DNAH12: variants seen among roughly 807,000 people sequenced by gnomAD.
DNAH12 encodes dynein axonemal heavy chain 12.
Under a neutral mutation model 371.5 loss-of-function variants are expected in DNAH12, and 285 were observed. The ratio of observed to expected loss-of-function variants is 0.77; its 90% confidence interval spans 0.70 to 0.85. The LOEUF (loss-of-function observed/expected upper bound fraction) is 0.85. Among genes scored for constraint, DNAH12 ranks in the 40% least tolerant of loss-of-function variants. The pLI, the probability that DNAH12 is intolerant of heterozygous loss-of-function variation, is 0.00. For missense variants in DNAH12, 3,611 were observed against 3,689.4 expected, an observed-to-expected ratio of 0.98 and a Z score of 0.55; for synonymous variants, 1,200 against 1,213.0, an observed-to-expected ratio of 0.99 and a Z score of 0.22.
At chr3:57,306,076 C>T (rs1027722046) in intron 69 of DNAH12, among the ~76,000 whole-genome samples, 1 of 152,186 alleles carries the variant, frequency 6.6e-6, no homozygotes, top group African/African-American at 2.4e-5. Context: ...CTGGCAGCCA[C>T]TCCCAGAGCC....
chr3:57,505,972 C>A (rs1235969706), intron 8 of DNAH12, among the ~76,000 whole-genome samples: 2 of 152,226 alleles, frequency 1.3e-5, no homozygotes, highest in East Asian at 3.9e-4. Flanking sequence ...TCTTGAACTC[C>A]TGGGCTCAAG....
At chr3:57,481,407 A>T (rs144782923) in intron 13 of DNAH12, among the ~76,000 whole-genome samples, 27,113 of 152,026 alleles carry the variant, frequency 0.18, 2,826 homozygotes, top group African/African-American at 0.29. Context: ...ACCACTGCTC[A>T]ACAAAATAAA....
Position 57,446,252 on chromosome 3 carries a change from A to C in DNAH12, c.3958T>G (p.Ser1320Ala), listed in dbSNP as rs764969254. Reference sequence around the variant, plus strand: ...TCAAAGCAAGCCCAAGCACCAGAAGAAGCCAGTCCTTTAAAAAACTAAGGA... The same window carrying C: ...TCAAAGCAAGCCCAAGCACCAGAAGCAGCCAGTCCTTTAAAAAACTAAGGA... ...AMGKFFKGLA[S>A]SGAWACFDEF... Residue 1320 changes from serine to alanine, a missense_variant, in exon 27 of 74, where the codon TCT becomes GCT. This residue lies in a region of DNAH12 where 2,266 missense variants were observed against 2,236.9 expected (regional missense o/e 1.01). Coordinates refer to ENST00000495027, the MANE Select transcript of DNAH12 (RefSeq NM_001366028.2). 16 of 1,551,374 alleles carry C rather than the reference A, an allele frequency of 1.0e-5. No homozygotes were observed. In the South Asian group the frequency reaches 1.3e-4, roughly 13 times the overall value.
the DNAH12 span, among the ~76,000 whole-genome samples, chr3:57,549,678 C>T: frequency 7.2e-5 from 11 of 152,048 alleles, no homozygotes; most frequent in South Asian, 1.2e-3. Context: ...GGCTGGAGTG[C>T]AATGGCGCAA....
intron 59 of DNAH12, among the ~76,000 whole-genome samples, chr3:57,353,723 T>C (rs1236191602): frequency 2.0e-5 from 3 of 151,970 alleles, no homozygotes; most frequent in Admixed American, 1.3e-4. Context: ...GCAAAGGACA[T>C]AGACACTTTT....
intron 60 of DNAH12, among the ~76,000 whole-genome samples, chr3:57,344,697 T>G (rs2062494502): frequency 6.6e-6 from 1 of 152,168 alleles, no homozygotes; most frequent in African/African-American, 2.4e-5. Context: ...GAACACAAAG[T>G]TAAACACCAC....
intron 35 of DNAH12, among the ~76,000 whole-genome samples, chr3:57,424,262 G>A (rs1473903514): frequency 6.6e-6 from 1 of 151,372 alleles, no homozygotes; most frequent in Non-Finnish European, 1.5e-5. Context: ...CTGAGGTCAG[G>A]AGTTCAAGAC....
intron 65 of DNAH12, among the ~76,000 whole-genome samples, chr3:57,318,732 A>G (rs1242712333): frequency 6.6e-6 from 1 of 151,910 alleles, no homozygotes; most frequent in East Asian, 1.9e-4. Flanking sequence ...CAAGCATTCC[A>G]GATAAGGAAT....
At chr3:57,403,620 T>C in intron 42 of DNAH12, 119 bp from the exon 43 acceptor site, 6 of 921,564 alleles carry the variant, frequency 6.5e-6, no homozygotes, top group Non-Finnish European at 9.1e-6. Context: ...TATGTTACTA[T>C]CCCAATTTTA....
At chr3:57,550,550 C>A in the DNAH12 span, among the ~76,000 whole-genome samples, 1 of 151,932 alleles carries the variant, frequency 6.6e-6, no homozygotes, top group Non-Finnish European at 1.5e-5. Flanking sequence ...TCTCACTCTG[C>A]CACCCAGGCT....
chr3:57,384,898 CT>C lies in DNAH12; in HGVS notation c.7790del (p.Glu2597GlyfsTer6), dbSNP rs1156733267. 1 of 152,194 alleles carries C rather than the reference CT, an allele frequency of 6.6e-6. No homozygotes were observed. Among genetic ancestry groups the C allele is most frequent in the Non-Finnish European group, 1.5e-5 (1 of 68,044 alleles). 9.4% of individuals were successfully genotyped at this position (152,194 alleles called of 1,614,324 possible). ...KAEEAQALKNECESDLAEAIP... is the reference protein window; with the variant it reads ...KAEEAQALKNXCESDLAEAIP... ...TCGCCTCAGCTAGGTCACTTTCACA[CT>C]CATTTTTCAGAGCTTGGGCTTCTTC... On this transcript the variant is annotated frameshift_variant, in exon 49 of 74. Coordinates refer to ENST00000495027, the MANE Select transcript of DNAH12 (RefSeq NM_001366028.2). LOFTEE classifies it high-confidence loss of function.
rs1453592706 is a variant in DNAH12, at chr3:57,419,459, T to C, written c.5622A>G (p.Gly1874=). Residue 1874 remains glycine (G), a synonymous_variant, in exon 37 of 74, where the codon GGA becomes GGG. Coordinates refer to ENST00000495027, the MANE Select transcript of DNAH12 (RefSeq NM_001366028.2). ...WNELIKNTNL[G]DKQIKIQDII... ...TATCTTGAATCTTGATTTGTTTATC[T>C]CCTAAATTAGTATTTTTAATTAATT... is the stretch of plus-strand genomic sequence containing the variant. 4.0e-6 allele frequency: 6 copies of C among 1,499,172 alleles called. No homozygotes were observed. The South Asian group carries it at 8.2e-5, about 21-fold the overall frequency. The allele number at this position is 1,499,172 out of a possible 1,614,324, so 92.9% of individuals were successfully genotyped here.
intron 55 of DNAH12, among the ~76,000 whole-genome samples, chr3:57,371,669 G>A (rs1032060496): frequency 3.5e-4 from 51 of 147,256 alleles, no homozygotes; most frequent in Middle Eastern, 3.5e-3. Context: ...CTCAAAACAC[G>A]CACACACACA....
At chr3:57,479,551 C>T (rs182227051) in intron 13 of DNAH12, among the ~76,000 whole-genome samples, 1 of 152,274 alleles carries the variant, frequency 6.6e-6, no homozygotes, top group Non-Finnish European at 1.5e-5. Flanking sequence ...AAATTGAACT[C>T]AACTCTGCAC....
chr3:57,437,424 T>A (rs1462252688), intron 29 of DNAH12, among the ~76,000 whole-genome samples: 1 of 152,208 alleles, frequency 6.6e-6, no homozygotes, highest in African/African-American at 2.4e-5. Context: ...ATAAGTTTTT[T>A]AAAATTATAA....
intron 39 of DNAH12, among the ~76,000 whole-genome samples, chr3:57,409,212 A>G (rs2064130614): frequency 1.3e-5 from 2 of 152,214 alleles, no homozygotes; most frequent in Admixed American, 1.3e-4. Flanking sequence ...AAAGGTTGCT[A>G]TTGTCAATAA....
intron 58 of DNAH12, among the ~76,000 whole-genome samples, chr3:57,360,602 C>A (rs1031409660): frequency 6.6e-6 from 1 of 152,030 alleles, no homozygotes; most frequent in East Asian, 1.9e-4. Context: ...GCAGAAGAAT[C>A]GCTTGAACTC....
chr3:57,313,583 G>A (rs923291834), intron 66 of DNAH12, among the ~76,000 whole-genome samples: 1 of 152,172 alleles, frequency 6.6e-6, no homozygotes, highest in South Asian at 2.1e-4. Context: ...GAACTGGGAG[G>A]CACAGCTTGC....
intron 60 of DNAH12, among the ~76,000 whole-genome samples, chr3:57,337,387 C>T (rs1851573): frequency 0.32 from 48,709 of 151,878 alleles, 8,572 homozygotes; most frequent in African/African-American, 0.45. Context: ...CAGCTGGGCA[C>T]GGTGGCTCAC....
Sources: allele counts gnomAD v4.1 joint callset (sites outside exome capture counted in the v4.1 genomes callset), GRCh38; gene constraint gnomAD v4.1.1; regional missense constraint gnomAD v4.1.1; transcripts MANE v1.5; gene names NCBI Gene and HGNC (gene_info 2026-07-23, HGNC 2026-07-21).